Variants in NRG3 observed in about 807,000 individuals in gnomAD.
NRG3 encodes the protein pro-neuregulin-3, membrane-bound isoform.
Under a neutral mutation model 66.9 loss-of-function variants are expected in NRG3, and 31 were observed. That is an observed-to-expected ratio of 0.46 (90% CI 0.35 to 0.63). The LOEUF (loss-of-function observed/expected upper bound fraction) is 0.63, where lower values mean the gene tolerates loss of function less well. NRG3 is among the 20% of genes least tolerant of loss of function. The pLI is 0.00. For missense variants in NRG3, 910 were observed against 878.9 expected, an observed-to-expected ratio of 1.04 and a Z score of -0.45; for synonymous variants, 393 against 359.4, an observed-to-expected ratio of 1.09 and a Z score of -1.06.
intron 1 of NRG3, among the ~76,000 whole-genome samples, chr10:81,922,317 G>C (rs1242481770): frequency 6.6e-6 from 1 of 152,072 alleles, no homozygotes; most frequent in Non-Finnish European, 1.5e-5. Context: ...TTGTTACATA[G>C]ATATTTTGCT....
intron 1 of NRG3, among the ~76,000 whole-genome samples, chr10:82,314,386 T>C (rs2081187259): frequency 6.6e-6 from 1 of 152,042 alleles, no homozygotes; most frequent in South Asian, 2.1e-4. Flanking sequence ...AGATGTCAGG[T>C]TTTAATTTGC....
At chr10:81,952,484 G>A (rs533395564) in intron 1 of NRG3, among the ~76,000 whole-genome samples, 339 of 152,110 alleles carry the variant, frequency 2.2e-3, no homozygotes, top group Non-Finnish European at 4.0e-3. Context: ...CATGAGTAGA[G>A]TAAGGAGAAA....
At chr10:82,047,813 A>G (rs1212196060) in intron 1 of NRG3, among the ~76,000 whole-genome samples, 1 of 152,132 alleles carries the variant, frequency 6.6e-6, no homozygotes, top group Non-Finnish European at 1.5e-5. Flanking sequence ...GGCAAATTGG[A>G]TAGAGTCAAT....
chr10:82,948,683 T>A (rs12412061), intron 4 of NRG3, among the ~76,000 whole-genome samples: 67,752 of 151,930 alleles, frequency 0.45, 16,386 homozygotes, highest in Non-Finnish European at 0.56. Context: ...CTATTGTAAA[T>A]GACATTTTTG....
At chr10:82,305,713 C>T (rs569301830) in intron 1 of NRG3, among the ~76,000 whole-genome samples, 3 of 152,234 alleles carry the variant, frequency 2.0e-5, no homozygotes, top group East Asian at 3.9e-4. Flanking sequence ...AAGCAAGCTA[C>T]TGAATTCAGC....
intron 1 of NRG3, among the ~76,000 whole-genome samples, chr10:81,898,588 G>A (rs528194296): frequency 4.6e-5 from 7 of 152,274 alleles, no homozygotes; most frequent in South Asian, 2.1e-4. Context: ...AGGGTGACAT[G>A]GGCTGCAGTA....
intron 1 of NRG3, among the ~76,000 whole-genome samples, chr10:82,129,015 C>T (rs11819072): frequency 0.018 from 2,745 of 151,894 alleles, 90 homozygotes; most frequent in African/African-American, 0.062. Flanking sequence ...CGGGTTCAAG[C>T]GATTCTCCTG....
chr10:82,190,071 A>C (rs1388001492), intron 1 of NRG3, among the ~76,000 whole-genome samples: 1 of 152,170 alleles, frequency 6.6e-6, no homozygotes, highest in Non-Finnish European at 1.5e-5. Flanking sequence ...GGGTCTTCCA[A>C]ATACAGGCCC....
intron 1 of NRG3, among the ~76,000 whole-genome samples, chr10:82,257,969 G>A (rs898084550): frequency 7.2e-5 from 11 of 152,100 alleles, no homozygotes; most frequent in African/African-American, 2.7e-4. Context: ...CCTCCTTGGT[G>A]TCTGCATCTT....
intron 2 of NRG3, among the ~76,000 whole-genome samples, chr10:82,628,254 C>T (rs781610438): frequency 1.1e-4 from 16 of 152,072 alleles, no homozygotes; most frequent in East Asian, 5.8e-4. Flanking sequence ...AAAACATTGC[C>T]GTTAGGCTTT....
chr10:82,716,885 T>C (rs2134452745), intron 2 of NRG3, among the ~76,000 whole-genome samples: 1 of 152,334 alleles, frequency 6.6e-6, no homozygotes, highest in African/African-American at 2.4e-5. Flanking sequence ...AATGTTTTGA[T>C]CACTAGAATA....
chr10:82,893,486 G>A (rs939440800), intron 4 of NRG3, among the ~76,000 whole-genome samples: 2 of 152,094 alleles, frequency 1.3e-5, no homozygotes, highest in Non-Finnish European at 2.9e-5. Flanking sequence ...TCAGGAGATC[G>A]AGACCACCCT....
At chr10:82,018,212 T>C (rs2132710432) in intron 1 of NRG3, among the ~76,000 whole-genome samples, 1 of 152,326 alleles carries the variant, frequency 6.6e-6, no homozygotes, top group Non-Finnish European at 1.5e-5. Context: ...CATTGCTTGT[T>C]TTTGTCAGGT....
chr10:82,250,704 G>A (rs942327577), intron 1 of NRG3, among the ~76,000 whole-genome samples: 1 of 152,190 alleles, frequency 6.6e-6, no homozygotes, highest in Non-Finnish European at 1.5e-5. Context: ...AAAAGACCCT[G>A]CTAATTCCTG....
intron 1 of NRG3, among the ~76,000 whole-genome samples, chr10:82,159,443 A>G (rs1243667280): frequency 1.3e-5 from 2 of 151,674 alleles, no homozygotes; most frequent in African/African-American, 2.4e-5. Context: ...CTGTTGTTCC[A>G]TCTATTGGAC....
chr10:82,618,065 T>G (rs1362053844), intron 2 of NRG3, among the ~76,000 whole-genome samples: 1 of 152,164 alleles, frequency 6.6e-6, no homozygotes, highest in Non-Finnish European at 1.5e-5. Flanking sequence ...ACCCAGTGTT[T>G]TAGACAGATT....
intron 3 of NRG3, among the ~76,000 whole-genome samples, chr10:82,822,044 A>G (rs1038970765): frequency 7.2e-5 from 11 of 152,178 alleles, no homozygotes; most frequent in African/African-American, 2.7e-4. Flanking sequence ...CCCTGCAGAC[A>G]CATGAGTCAA....
At chr10:82,733,028 T>G (rs35302339) in intron 2 of NRG3, among the ~76,000 whole-genome samples, 1 of 152,192 alleles carries the variant, frequency 6.6e-6, no homozygotes, top group Non-Finnish European at 1.5e-5. Flanking sequence ...TTTTTTTCCC[T>G]ATGAATAAAA....
At chr10:82,591,208 C>A (rs2046963661) in intron 2 of NRG3, among the ~76,000 whole-genome samples, 1 of 152,146 alleles carries the variant, frequency 6.6e-6, no homozygotes, top group African/African-American at 2.4e-5. Context: ...ATGTCCCAAC[C>A]TATTCAGTTT....
Sources: gnomAD v4.1 joint callset for allele counts (sites outside exome capture counted in the v4.1 genomes callset) on GRCh38, gnomAD v4.1.1 for gene constraint, MANE v1.5 for transcripts, NCBI Gene and HGNC (gene_info 2026-07-23, HGNC 2026-07-21) for gene names.